Variants in LDLRAD4 observed in about 807,000 individuals in gnomAD.
LDLRAD4 encodes the protein low-density lipoprotein receptor class A domain-containing protein 4.
Under a neutral mutation model 17.0 loss-of-function variants are expected in LDLRAD4, and 5 were observed. That is an observed-to-expected ratio of 0.29 (90% CI 0.15 to 0.62). LDLRAD4 has a LOEUF of 0.62. LDLRAD4 is among the 20% of genes least tolerant of loss of function. The pLI is 0.84. For synonymous variants in LDLRAD4, 168 were observed against 171.8 expected, an observed-to-expected ratio of 0.98 and a Z score of 0.17; for missense variants, 340 against 424.7, an observed-to-expected ratio of 0.80 and a Z score of 1.75.
chr18:13,592,568 G>A (rs181985344), intron 3 of LDLRAD4, among the ~76,000 whole-genome samples: 19 of 152,324 alleles, frequency 1.2e-4, no homozygotes, highest in Non-Finnish European at 2.2e-4. Context: ...TATTGGTAGA[G>A]TGTATAGGAA....
intron 1 of LDLRAD4, among the ~76,000 whole-genome samples, chr18:13,373,226 C>T (rs1309812755): frequency 1.3e-5 from 2 of 151,926 alleles, no homozygotes; most frequent in Non-Finnish European, 2.9e-5. Context: ...CTTTTCTCAT[C>T]GCAGCAGTTG....
At chr18:13,561,698 C>T (rs1220204077) in intron 3 of LDLRAD4, 1 of 152,284 alleles carries the variant, frequency 6.6e-6, no homozygotes, top group Non-Finnish European at 1.5e-5. Context: ...TGTCTTGACT[C>T]AGTGTAGGAT....
intron 3 of LDLRAD4, among the ~76,000 whole-genome samples, chr18:13,532,439 G>T (rs114455407): frequency 1.3e-5 from 2 of 152,180 alleles, no homozygotes; most frequent in Non-Finnish European, 2.9e-5. Flanking sequence ...TTCCAAACAG[G>T]TCAGGCCCAG....
intron 3 of LDLRAD4, among the ~76,000 whole-genome samples, chr18:13,616,451 T>C (rs991964001): frequency 2.0e-5 from 3 of 152,192 alleles, no homozygotes; most frequent in Non-Finnish European, 4.4e-5. Flanking sequence ...ACAATGCTCA[T>C]CTTTTCTGTT....
chr18:13,382,478 T>C (rs2145120128), intron 1 of LDLRAD4: 1 of 152,342 alleles, frequency 6.6e-6, no homozygotes, highest in Middle Eastern at 3.4e-3. Context: ...CCATTTGACG[T>C]GCTCTATTTC....
chr18:13,554,647 A>G (rs1180882020), intron 3 of LDLRAD4, among the ~76,000 whole-genome samples: 1 of 152,202 alleles, frequency 6.6e-6, no homozygotes, highest in East Asian at 1.9e-4. Context: ...TTGCCCTTTA[A>G]TAATATTTTA....
intron 3 of LDLRAD4, among the ~76,000 whole-genome samples, chr18:13,541,847 G>A (rs1361883940): frequency 1.3e-5 from 2 of 152,166 alleles, no homozygotes; most frequent in Non-Finnish European, 2.9e-5. Flanking sequence ...AAAGCCAGGA[G>A]GATAGCTTAA....
At chr18:13,523,441 G>A (rs1424738565) in intron 3 of LDLRAD4, among the ~76,000 whole-genome samples, 3 of 152,236 alleles carry the variant, frequency 2.0e-5, no homozygotes, top group Non-Finnish European at 4.4e-5. Context: ...GCAAGGGACT[G>A]AATTCTGCTG....
intron 1 of LDLRAD4, among the ~76,000 whole-genome samples, chr18:13,386,934 AGATAGATAGATAGATGGATGGATG>A (rs535527551): frequency 0.072 from 4,944 of 68,494 alleles, 100 homozygotes; most frequent in African/African-American, 0.091. Flanking sequence ...ATAGATAGAT[AGATAGATAGATAGATGGATGGATG>A]GATAGATAAG....
chr18:13,555,405 C>T lies in LDLRAD4; in HGVS notation c.182-65712C>T, dbSNP rs900840556. ...AGAAGTAAAATGAGTCACAGCCTACCTTCTCCCTCCTTCCCCTCATCTCTT... is the reference window on the plus strand; with the variant it reads ...AGAAGTAAAATGAGTCACAGCCTACTTTCTCCCTCCTTCCCCTCATCTCTT... On this transcript the variant is annotated intron_variant, in intron 3 of 5. Coordinates refer to ENST00000359446, the Ensembl canonical transcript of LDLRAD4. 8.5e-5 allele frequency among the ~76,000 whole-genome samples: 13 copies of T among 152,082 alleles called. 1 individual carries two copies. The highest frequency in any genetic ancestry group is 7.9e-4 in the Admixed American group (12 of 15,280).
At position 13,367,659 on chromosome 18, in the gene LDLRAD4, A is replaced by C. The variant is rs2084155154; in HGVS notation, c.-382-19682A>C. Among the ~76,000 whole-genome samples the C allele has an allele frequency of 6.6e-6, 1 of 152,134 alleles. No individual in the cohort carries two copies. Among genetic ancestry groups the C allele is most frequent in the South Asian group, 2.1e-4 (1 of 4,826 alleles). ...GGCCAGGTAGCCCCATCTGCTGTCA[A>C]GGAGTGTGCCGAGAGGGGACAGCCG... On this transcript the variant is annotated intron_variant, in intron 1 of 5. Transcript: ENST00000359446. The surrounding 1 kb of genome is among the most constrained non-coding windows in gnomAD (Gnocchi z 4.1).
intron 3 of LDLRAD4, among the ~76,000 whole-genome samples, chr18:13,570,741 C>G (rs2094678680): frequency 6.6e-6 from 1 of 152,186 alleles, no homozygotes; most frequent in Admixed American, 6.5e-5. Flanking sequence ...AAGGCGCAGC[C>G]CTCTGGCTGC....
chr18:13,427,672 A>G (rs962783424), intron 2 of LDLRAD4, among the ~76,000 whole-genome samples: 1 of 152,244 alleles, frequency 6.6e-6, no homozygotes, highest in African/African-American at 2.4e-5. Context: ...GTAGGGACAG[A>G]TGGAAAAAGC....
intron 4 of LDLRAD4, among the ~76,000 whole-genome samples, chr18:13,639,195 C>T (rs1397597375): frequency 6.6e-6 from 1 of 152,180 alleles, no homozygotes; most frequent in Non-Finnish European, 1.5e-5. Flanking sequence ...TTAAAATTGG[C>T]CCCATAATGA....
exon 1 of LDLRAD4, chr18:13,218,859 G>A (rs1360239999): frequency 6.5e-6 from 1 of 152,784 alleles, no homozygotes; most frequent in Non-Finnish European, 1.5e-5. Flanking sequence ...GGAATAAACA[G>A]GAAGCGACAA....
chr18:13,297,042 G>A (rs1766686641), intron 1 of LDLRAD4, among the ~76,000 whole-genome samples: 1 of 152,214 alleles, frequency 6.6e-6, no homozygotes, highest in African/African-American at 2.4e-5. Flanking sequence ...TGGGTTTGCG[G>A]GAGATGGTGT....
At chr18:13,623,505 C>T (rs554666396) in intron 4 of LDLRAD4, among the ~76,000 whole-genome samples, 67 of 152,346 alleles carry the variant, frequency 4.4e-4, no homozygotes, top group African/African-American at 1.5e-3. Flanking sequence ...TGTCCCTCCT[C>T]GAGGTGTGGC....
intron 3 of LDLRAD4, chr18:13,521,460 T>G (rs2093951907): frequency 6.6e-6 from 1 of 151,950 alleles, no homozygotes; most frequent in Non-Finnish European, 1.5e-5. Flanking sequence ...ACCAGGAGAG[T>G]TGAAAGTATG....
chr18:13,625,832 C>T (rs1372948288), intron 4 of LDLRAD4, among the ~76,000 whole-genome samples: 1 of 135,204 alleles, frequency 7.4e-6, no homozygotes, highest in Non-Finnish European at 1.6e-5. Flanking sequence ...CCAGAGCCCT[C>T]CTCCCCCCAC....
Sources: gnomAD v4.1 joint callset for allele counts (sites outside exome capture counted in the v4.1 genomes callset) on GRCh38, gnomAD v4.1.1 for gene constraint, Gnocchi (gnomAD v3.1) non-coding constraint, MANE v1.5 for transcripts, NCBI Gene and HGNC (gene_info 2026-07-23, HGNC 2026-07-21) for gene names.